The following SFXN1 variants were observed in gnomAD, a reference collection of about 807,000 sequenced individuals.
The protein encoded by SFXN1 is sideroflexin-1.
In SFXN1, 32 loss-of-function variants were observed where a neutral mutation model predicts 39.5. The ratio of observed to expected loss-of-function variants is 0.81; its 90% CI spans 0.61 to 1.09. The LOEUF (loss-of-function observed/expected upper bound fraction) is 1.09, where lower values mean the gene tolerates loss of function less well. Ranked by LOEUF, SFXN1 falls within the 50% of genes least tolerant of loss-of-function variation. SFXN1 has a pLI of 0.00. For synonymous variants in SFXN1, 136 were observed against 146.5 expected (o/e 0.93, Z 0.52); for missense variants, 402 against 407.1 (o/e 0.99, Z 0.11).
rs184592540 is a variant in SFXN1, at chr5:175,511,967, G to A, written c.511-144G>A. Reference sequence around the variant, plus strand: ...GTGGGAAATATACAAATACTGCTAGGAAAAGTTTTGAAAGCATTCTTGGCC... The same window carrying A: ...GTGGGAAATATACAAATACTGCTAGAAAAAGTTTTGAAAGCATTCTTGGCC... On this transcript the variant is annotated intron_variant, in intron 5 of 10. Coordinates refer to ENST00000321442, the MANE Select transcript of SFXN1 (RefSeq NM_022754.7). 17 of 716,074 alleles carry A rather than the reference G, an allele frequency of 2.4e-5. No homozygotes were observed. In the African/African-American group the frequency reaches 2.7e-4, roughly 11 times the overall value. The allele number at this position is 716,074 out of a possible 1,614,324, so 44.4% of individuals were successfully genotyped here. A position where few individuals can be genotyped will look rare whatever the true frequency, so the allele number is the denominator to read the frequency against.
intron 8 of SFXN1, among the ~76,000 whole-genome samples, chr5:175,518,199 G>A (rs1025055790): frequency 6.6e-6 from 1 of 152,024 alleles, no homozygotes; most frequent in African/African-American, 2.4e-5. Context: ...TTTAAACTTG[G>A]GTCATTCTTG....
intron 5 of SFXN1, 176 bp downstream of exon 5, chr5:175,511,702 C>T: frequency 1.6e-6 from 1 of 613,698 alleles, no homozygotes; most frequent in Non-Finnish European, 2.9e-6. Flanking sequence ...AGAGTTGTCA[C>T]CAGTAACACC....
chr5:175,488,103 C>T (rs964942179), intron 1 of SFXN1, among the ~76,000 whole-genome samples: 2 of 152,120 alleles, frequency 1.3e-5, no homozygotes, highest in African/African-American at 2.4e-5. Flanking sequence ...CCGTTCATTT[C>T]GGTCCTCTCA....
intron 6 of SFXN1, 135 bp from the exon 7 acceptor site, chr5:175,513,328 A>ATT: frequency 7.4e-6 from 3 of 403,024 alleles, no homozygotes; most frequent in Non-Finnish European, 1.3e-5. Context: ...AAAAAAACAG[A>ATT]TGTGTCAGTA....
rs955715861 is a variant in SFXN1, at chr5:175,529,593, T to A, written c.*2859T>A. 6.6e-6 allele frequency: 1 copy of A among 152,258 alleles called. No individual in the cohort carries two copies. The highest frequency in any genetic ancestry group is 1.5e-5 in the Non-Finnish European group (1 of 68,050). 9.4% of individuals were successfully genotyped at this position (152,258 alleles called of 1,614,324 possible). A position where few individuals can be genotyped will look rare whatever the true frequency, so the allele number is the denominator to read the frequency against. On this transcript the variant is annotated 3_prime_UTR_variant, in exon 11 of 11. Coordinates refer to ENST00000321442, the MANE Select transcript of SFXN1 (RefSeq NM_022754.7). ...AGCTAAGTAGTTATTAATATTTCTATTAACATGATACAAAGGATGATGATT... is the reference window on the plus strand; with the variant it reads ...AGCTAAGTAGTTATTAATATTTCTAATAACATGATACAAAGGATGATGATT...
chr5:175,522,523 G>T (rs545682495), intron 10 of SFXN1, 101 bp downstream of exon 10: 245 of 1,211,642 alleles, frequency 2.0e-4, no homozygotes, highest in Non-Finnish European at 1.9e-4. Flanking sequence ...GGGAAGTTGA[G>T]ACTCAAAAGA....
intron 1 of SFXN1, among the ~76,000 whole-genome samples, chr5:175,489,989 T>C (rs180912274): frequency 6.6e-6 from 1 of 152,336 alleles, no homozygotes; most frequent in Non-Finnish European, 1.5e-5. Flanking sequence ...GTAATCTCTC[T>C]TCCCTTTTAA....
rs1473675970 is a variant in SFXN1 at position 175,529,420 on chromosome 5, C to T, written c.*2686C>T. 3 of 151,494 alleles carry T rather than the reference C, an allele frequency of 2.0e-5. No individual in the cohort carries two copies. Among genetic ancestry groups the T allele is most frequent in the Non-Finnish European group, 4.4e-5 (3 of 67,964 alleles). 9.4% of individuals were successfully genotyped at this position (151,494 alleles called of 1,614,324 possible). On this transcript the variant is annotated 3_prime_UTR_variant, in exon 11 of 11. Transcript: ENST00000321442. ...AAACGTTGTTTTTTGATGCTTCAGACTCTTAATGCTTTTATATAAAGCTAT... is the reference window on the plus strand; with the variant it reads ...AAACGTTGTTTTTTGATGCTTCAGATTCTTAATGCTTTTATATAAAGCTAT...
At chr5:175,516,725 G>A (rs867243311) in intron 8 of SFXN1, 62 bp downstream of exon 8, 36 of 1,545,228 alleles carry the variant, frequency 2.3e-5, no homozygotes, top group Admixed American at 1.4e-4. Flanking sequence ...ATTTCAAACC[G>A]TATAGATTAT....
At chr5:175,502,333 G>A (rs1241315145) in intron 2 of SFXN1, among the ~76,000 whole-genome samples, 19 of 152,152 alleles carry the variant, frequency 1.2e-4, no homozygotes, top group Non-Finnish European at 2.9e-5. Flanking sequence ...CAAGAAGGGG[G>A]TCTTGGGGGG....
chr5:175,496,652 G>A (rs893212029), intron 2 of SFXN1, among the ~76,000 whole-genome samples: 5 of 152,120 alleles, frequency 3.3e-5, no homozygotes, highest in Admixed American at 6.5e-5. Flanking sequence ...TTAAAATTGG[G>A]TGGAAACACT....
chr5:175,522,400 T>A lies in SFXN1; in HGVS notation c.850T>A (p.Cys284Ser). 6.2e-7 allele frequency: 1 copy of A among 1,612,352 alleles called. No individual in the cohort carries two copies. Among genetic ancestry groups the A allele is most frequent in the Non-Finnish European group, 8.5e-7 (1 of 1,179,724 alleles). Residue 284 changes from cysteine (C) to serine (S), a missense_variant, in exon 10 of 11, where the codon TGT becomes AGT. Transcript: ENST00000321442. Reference protein sequence around the residue: ...FCLVFATPLCCALFPQKSSMS... With the variant: ...FCLVFATPLCSALFPQKSSMS... Reference sequence around the variant, plus strand: ...TTTGGTGTTTGCTACACCCCTGTGTTGTGCCCTGTTTCCTCAGAAAAGGTA... The same window carrying A: ...TTTGGTGTTTGCTACACCCCTGTGTAGTGCCCTGTTTCCTCAGAAAAGGTA...
In SFXN1 at chr5:175,492,169, T is replaced by C. The variant is rs375688411; in HGVS notation, c.66T>C (p.Ile22=). 6.2e-7 allele frequency: 1 copy of C among 1,614,022 alleles called. No individual in the cohort carries two copies. Among genetic ancestry groups the C allele is most frequent in the Non-Finnish European group, 8.5e-7 (1 of 1,180,020 alleles). ...KEPRWDQSTF[I]GRANHFFTVT... is the part of the protein sequence containing the mutation. ...CTCGATGGGATCAAAGCACTTTCAT[T>C]GGACGAGCCAATCATTTCTTCACTG... Residue 22 remains isoleucine, a synonymous_variant, in exon 2 of 11, where the codon ATT becomes ATC. Coordinates refer to ENST00000321442, the MANE Select transcript of SFXN1 (RefSeq NM_022754.7).
chr5:175,484,819 C>T (rs1033856554), intron 1 of SFXN1, among the ~76,000 whole-genome samples: 1 of 152,232 alleles, frequency 6.6e-6, no homozygotes, highest in Non-Finnish European at 1.5e-5. Context: ...CCTCAGTCTC[C>T]CAAGTAGCCA....
chr5:175,524,777 G>A (rs963834702), intron 10 of SFXN1, among the ~76,000 whole-genome samples: 1 of 152,048 alleles, frequency 6.6e-6, no homozygotes, highest in Non-Finnish European at 1.5e-5. Context: ...TGTCTGGTGA[G>A]ATTAATCAAA....
At chr5:175,524,123 AAAATAT>A (rs1760977244) in intron 10 of SFXN1, 1 of 25,532 alleles carries the variant, frequency 3.9e-5, no homozygotes, top group Admixed American at 5.6e-4. Context: ...AAAAAAAAAA[AAAATAT>A]ATATATATAT....
chr5:175,487,525 G>T (rs547547722), intron 1 of SFXN1, among the ~76,000 whole-genome samples: 1 of 152,194 alleles, frequency 6.6e-6, no homozygotes, highest in South Asian at 2.1e-4. Context: ...ACTCTCTCCT[G>T]GTTTTGCACC....
At chr5:175,491,971 ATTATCT>A in intron 1 of SFXN1, 118 bp from the exon 2 acceptor site, 2 of 598,716 alleles carry the variant, frequency 3.3e-6, no homozygotes, top group Non-Finnish European at 5.3e-6. Flanking sequence ...TTATAGCAAA[ATTATCT>A]TTATAAATAG....
chr5:175,514,975 G>A (rs994337849), intron 7 of SFXN1, among the ~76,000 whole-genome samples: 3 of 152,220 alleles, frequency 2.0e-5, no homozygotes, highest in African/African-American at 4.8e-5. Flanking sequence ...TGCTGAAATC[G>A]AGGTTGCGGC....
Sources: allele counts gnomAD v4.1 joint callset (sites outside exome capture counted in the v4.1 genomes callset), GRCh38; gene constraint gnomAD v4.1.1; transcripts MANE v1.5; gene names NCBI Gene and HGNC (gene_info 2026-07-23, HGNC 2026-07-21).